The following RMDN2 variants were observed in gnomAD, a reference collection of about 807,000 sequenced individuals.
The protein encoded by RMDN2 is regulator of microtubule dynamics protein 2.
A neutral mutation model predicts 52.8 loss-of-function variants in RMDN2; 61 were observed. The observed-to-expected ratio is 1.16, with a 90% confidence interval of 0.94 to 1.43. RMDN2 has a LOEUF of 1.43. Among genes scored for constraint, RMDN2 ranks in the 40% most tolerant of loss-of-function variants. The pLI is 0.00. For synonymous variants in RMDN2, 180 were observed against 153.1 expected, an observed-to-expected ratio of 1.18 and a Z score of -1.30; for missense variants, 592 against 475.3, an observed-to-expected ratio of 1.25 and a Z score of -2.28.
At chr2:37,927,810 T>C (rs1278637408) in intron 1 of RMDN2, among the ~76,000 whole-genome samples, 2 of 152,224 alleles carry the variant, frequency 1.3e-5, no homozygotes, top group Non-Finnish European at 2.9e-5. Context: ...TGTGATACAA[T>C]TTTTTTGTAG....
chr2:38,056,916 C>T (rs891561459), intron 10 of RMDN2, among the ~76,000 whole-genome samples: 1 of 152,130 alleles, frequency 6.6e-6, no homozygotes, highest in African/African-American at 2.4e-5. Context: ...AAAATGCCTC[C>T]ACTTGCAATA....
intron 7 of RMDN2, among the ~76,000 whole-genome samples, chr2:37,992,906 G>A (rs1365074342): frequency 6.6e-6 from 1 of 151,700 alleles, no homozygotes; most frequent in Non-Finnish European, 1.5e-5. Flanking sequence ...CAAGCAGTTT[G>A]TTTCTTTTTT....
chr2:37,981,117 A>G (rs547490669), intron 4 of RMDN2, among the ~76,000 whole-genome samples, 166 bp from the exon 5 acceptor site: 2 of 152,358 alleles, frequency 1.3e-5, no homozygotes, highest in South Asian at 4.1e-4. Context: ...ACAGTGTGTG[A>G]TGGAGTAGAT....
chr2:38,013,972 C>G (rs931805926), intron 10 of RMDN2, among the ~76,000 whole-genome samples: 1 of 152,088 alleles, frequency 6.6e-6, no homozygotes, highest in African/African-American at 2.4e-5. Flanking sequence ...TTTGGGCGGC[C>G]GAGGCGGGCG....
intron 8 of RMDN2, among the ~76,000 whole-genome samples, chr2:38,001,732 C>T (rs749664757): frequency 1.3e-5 from 2 of 152,192 alleles, no homozygotes; most frequent in South Asian, 4.2e-4. Context: ...GTCTTAAGTC[C>T]CTCTTATTAG....
intron 2 of RMDN2, among the ~76,000 whole-genome samples, chr2:37,964,561 A>T (rs1351667486): frequency 2.6e-5 from 4 of 152,304 alleles, no homozygotes; most frequent in Admixed American, 6.5e-5. Context: ...TATAATTTCT[A>T]TGTTTGTAAA....
In RMDN2 at chr2:38,067,018, G is replaced by A. The variant is rs149803320; in HGVS notation, c.*28G>A. 252 of 1,612,014 alleles carry A rather than the reference G, an allele frequency of 1.6e-4. 1 individual carries two copies. In the African/African-American group the frequency reaches 2.2e-3, roughly 14 times the overall value. On this transcript the variant is annotated 3_prime_UTR_variant, in exon 11 of 11. Transcript: ENST00000234195. ...TGGAAGATAAAGAGCCTTTGGTACC[G>A]CAAGCCCTGTCATCTGTGAGTGTGG...
rs916881526 is a variant in RMDN2, at chr2:37,991,607, C to A, written c.945+310C>A. Among the ~76,000 whole-genome samples the A allele has an allele frequency of 2.0e-5, 3 of 151,788 alleles. No homozygotes were observed. The South Asian group carries it at 6.3e-4, about 32-fold the overall frequency. On this transcript the variant is annotated intron_variant, in intron 7 of 10. Coordinates refer to ENST00000354545, the MANE Select transcript of RMDN2 (RefSeq NM_001170791.3). ...CTTTTTCTTTCCTGCTTTTTCATTT[C>A]TTTTTGCAGTAGTCACGTTCCCTCC...
At chr2:38,017,118 G>T in intron 10 of RMDN2, 68 bp from the exon 11 acceptor site, 1 of 1,013,044 alleles carries the variant, frequency 9.9e-7, no homozygotes, top group Admixed American at 2.6e-5. Context: ...GTGTAAGTCT[G>T]TTTCAGCATG....
At chr2:37,929,076 A>T (rs1176212983) in intron 1 of RMDN2, 186 bp from the exon 2 acceptor site, 9 of 468,314 alleles carry the variant, frequency 1.9e-5, no homozygotes, top group Non-Finnish European at 2.7e-5. Context: ...ATAATTCTTC[A>T]TTGTAATCTA....
At chr2:38,018,298 C>G (rs1203318494), downstream of RMDN2, among the ~76,000 whole-genome samples, 1 of 152,106 alleles carries the variant, frequency 6.6e-6, no homozygotes. Context: ...AATATTTTGT[C>G]ACTTGGGTAC....
At chr2:38,040,279 A>G (rs745593350) in intron 10 of RMDN2, among the ~76,000 whole-genome samples, 1 of 152,010 alleles carries the variant, frequency 6.6e-6, no homozygotes, top group Admixed American at 6.6e-5. Context: ...ATAGCTGTAT[A>G]GTTAGTTTTT....
intron 10 of RMDN2, among the ~76,000 whole-genome samples, chr2:38,057,302 AG>A (rs1419460839): frequency 1.3e-5 from 2 of 152,242 alleles, no homozygotes; most frequent in African/African-American, 4.8e-5. Flanking sequence ...AAGCTGCCAT[AG>A]GCATTACAGT....
intron 10 of RMDN2, chr2:38,028,136 A>C (rs2125269287): frequency 6.6e-6 from 1 of 151,518 alleles, no homozygotes; most frequent in South Asian, 2.1e-4. Context: ...GACTATCCAG[A>C]GGCTGATCCA....
chr2:38,004,261 T>C lies in RMDN2; in HGVS notation c.1179+45T>C, dbSNP rs750548300. 5 of 1,316,610 alleles carry C rather than the reference T, an allele frequency of 3.8e-6. No homozygotes were observed. In the East Asian group the frequency reaches 1.2e-4, roughly 30 times the overall value. The allele number at this position is 1,316,610 out of a possible 1,614,324, so 81.6% of individuals were successfully genotyped here. A position where few individuals can be genotyped will look rare whatever the true frequency, so the allele number is the denominator to read the frequency against. On this transcript the variant is annotated intron_variant, in intron 10 of 10. Transcript: ENST00000354545. ...GTGAGTGCTGTTGTCTTGTTAGTACTATTCGAGCTCAAAACAGGAATAACT... is the reference window on the plus strand; with the variant it reads ...GTGAGTGCTGTTGTCTTGTTAGTACCATTCGAGCTCAAAACAGGAATAACT...
rs559823532 is a variant in RMDN2, at chr2:37,948,874, T to A, written c.452+19145T>A. Among the ~76,000 whole-genome samples the A allele has an allele frequency of 3.2e-4, 49 of 152,240 alleles. No homozygotes were observed. In the South Asian group the frequency reaches 9.7e-3, roughly 30 times the overall value. On this transcript the variant is annotated intron_variant, in intron 2 of 10. Transcript: ENST00000354545. ...ATTACCTCGACTGAGCAGCAGTGAT[T>A]GACAGTGTTGAGATTTAGTTACAAA...
chr2:38,058,728 G>A (rs959668611), intron 10 of RMDN2, among the ~76,000 whole-genome samples: 16 of 152,120 alleles, frequency 1.1e-4, no homozygotes, highest in Non-Finnish European at 2.1e-4. Flanking sequence ...TTCTGTTTCA[G>A]ACCTACCTAC....
intron 10 of RMDN2, among the ~76,000 whole-genome samples, chr2:38,011,923 C>T (rs193230560): frequency 5.3e-5 from 8 of 152,242 alleles, no homozygotes; most frequent in Admixed American, 2.6e-4. Flanking sequence ...CCTTGCCTCC[C>T]GCCAGGCCAC....
chr2:37,949,091 G>A (rs956197012), intron 2 of RMDN2, among the ~76,000 whole-genome samples: 7 of 152,224 alleles, frequency 4.6e-5, no homozygotes, highest in African/African-American at 1.4e-4. Context: ...ACCTTAGTGC[G>A]GCTTAGGAAC....
Sources: allele counts gnomAD v4.1 joint callset (sites outside exome capture counted in the v4.1 genomes callset), GRCh38; gene constraint gnomAD v4.1.1; transcripts MANE v1.5; gene names NCBI Gene and HGNC (gene_info 2026-07-23, HGNC 2026-07-21).